TENM2: variants seen among roughly 807,000 people sequenced by gnomAD.
The protein encoded by TENM2 is teneurin-2.
A neutral mutation model predicts 245.2 loss-of-function variants in TENM2; 52 were observed. The observed-to-expected ratio is 0.21, with a 90% CI of 0.17 to 0.27. The LOEUF is 0.27. TENM2 is among the 10% of genes least tolerant of loss of function. The pLI is 1.00. For missense variants in TENM2, 3,046 were observed against 3,666.8 expected, an observed-to-expected ratio of 0.83 and a Z score of 4.37; for synonymous variants, 1,363 against 1,438.9, an observed-to-expected ratio of 0.95 and a Z score of 1.19.
At chr5:167,009,987 G>T in the TENM2 span, among the ~76,000 whole-genome samples, 8 of 152,224 alleles carry the variant, frequency 5.3e-5, no homozygotes, top group Middle Eastern at 3.4e-3. Flanking sequence ...TTTTTTATTG[G>T]TTTTAGGTTA....
At chr5:167,671,156 C>T (rs2150350783) in intron 2 of TENM2, among the ~76,000 whole-genome samples, 1 of 152,246 alleles carries the variant, frequency 6.6e-6, no homozygotes, top group South Asian at 2.1e-4. Context: ...TGGTCTGACA[C>T]ACACCTACCC....
intron 9 of TENM2, among the ~76,000 whole-genome samples, chr5:168,115,276 G>A (rs1794963209): frequency 6.7e-6 from 1 of 148,596 alleles, no homozygotes; most frequent in Non-Finnish European, 1.5e-5. Context: ...CTGAGTGACA[G>A]AGCAAGGCTC....
chr5:167,194,724 T>G, the TENM2 span, among the ~76,000 whole-genome samples: 3 of 152,024 alleles, frequency 2.0e-5, no homozygotes, highest in Non-Finnish European at 4.4e-5. Flanking sequence ...TAGGAGGTAC[T>G]GACATTTGCA....
chr5:167,931,068 A>G (rs1349084748), intron 3 of TENM2, among the ~76,000 whole-genome samples: 1 of 152,230 alleles, frequency 6.6e-6, no homozygotes, highest in Non-Finnish European at 1.5e-5. Flanking sequence ...CTCTGGAAAT[A>G]AGATAACACC....
intron 3 of TENM2, among the ~76,000 whole-genome samples, chr5:167,928,442 G>GGA (rs1322498449): frequency 6.6e-6 from 1 of 152,084 alleles, no homozygotes; most frequent in South Asian, 2.1e-4. Flanking sequence ...TAGAGCTGTG[G>GGA]GAGAGAGAGA....
intron 2 of TENM2, among the ~76,000 whole-genome samples, chr5:167,806,662 C>T (rs75089112): frequency 6.6e-6 from 1 of 152,086 alleles, no homozygotes. Flanking sequence ...GTGACATCAA[C>T]TGCGAAGTTT....
chr5:168,218,507 C>T lies in TENM2; in HGVS notation c.4616C>T (p.Thr1539Ile). 1 of 1,614,064 alleles carries T rather than the reference C, an allele frequency of 6.2e-7. No homozygotes were observed. Among genetic ancestry groups the T allele is most frequent in the Non-Finnish European group, 8.5e-7 (1 of 1,179,914 alleles). The change falls in exon 23 of 29, where the codon ACT (threonine) becomes ATT (isoleucine). Residue 1539 changes from threonine to isoleucine, a missense_variant. Transcript: ENST00000518659. This position sits in a 1 kb window ranked among gnomAD's most constrained non-coding sequence, Gnocchi z 5.2. ...TATTCAGGAGATGATGCCTACGCGA[C>T]TGATGCCATCTTGAATTCCCCATCA... is the stretch of plus-strand genomic sequence containing the variant.
intron 2 of TENM2, among the ~76,000 whole-genome samples, chr5:167,506,782 GT>G (rs1769582300): frequency 6.6e-6 from 1 of 152,102 alleles, no homozygotes; most frequent in Non-Finnish European, 1.5e-5. Flanking sequence ...ATGAGTGATT[GT>G]TTTTAGTATC....
intron 2 of TENM2, among the ~76,000 whole-genome samples, chr5:167,782,988 G>T (rs1764300709): frequency 6.6e-6 from 1 of 152,100 alleles, no homozygotes; most frequent in Non-Finnish European, 1.5e-5. Flanking sequence ...CTAATAATCA[G>T]GTGCATGCCT....
At chr5:167,250,649 G>A in the TENM2 span, among the ~76,000 whole-genome samples, 1 of 152,078 alleles carries the variant, frequency 6.6e-6, no homozygotes, top group East Asian at 1.9e-4. Context: ...TGTTATATAT[G>A]AGGCCATTCC....
chr5:167,420,358 T>C (rs1372178149), intron 2 of TENM2, among the ~76,000 whole-genome samples: 1 of 152,208 alleles, frequency 6.6e-6, no homozygotes, highest in East Asian at 1.9e-4. Flanking sequence ...GTGGCCTCTC[T>C]ACTGTACTGT....
rs751050478 is a variant in TENM2 at position 168,198,983 on chromosome 5, A to T, written c.3031A>T (p.Thr1011Ser). ...CGCCATGGACACCCTGGTGATGAAG[A>T]CCGAGGAGAACTCCATCCCCAGCTG... The change falls in exon 16 of 29, where the codon ACC becomes TCC. Residue 1011 changes from threonine to serine, a missense_variant. Around this residue, in one of 2 missense-constraint regions of TENM2, gnomAD observed 2,704 missense variants for 3,331.9 expected, o/e 0.81. Transcript: ENST00000518659. 1.9e-6 allele frequency: 3 copies of T among 1,613,892 alleles called. No homozygotes were observed. The South Asian group carries it at 3.3e-5, about 18-fold the overall frequency.
the TENM2 span, among the ~76,000 whole-genome samples, chr5:167,086,068 G>A: frequency 6.6e-6 from 1 of 152,142 alleles, no homozygotes; most frequent in South Asian, 2.1e-4. Flanking sequence ...GTTGGGAAGG[G>A]CCTTCTCATA....
the TENM2 span, among the ~76,000 whole-genome samples, chr5:167,239,770 G>A: frequency 6.6e-6 from 1 of 152,072 alleles, no homozygotes; most frequent in Non-Finnish European, 1.5e-5. Context: ...TTTTTATATT[G>A]TTGTTTATTT....
chr5:167,528,263 T>C (rs570235484), intron 2 of TENM2, among the ~76,000 whole-genome samples: 1 of 152,204 alleles, frequency 6.6e-6, no homozygotes, highest in Non-Finnish European at 1.5e-5. Context: ...CCTAGCTCAT[T>C]TGGAAGTCAA....
intron 2 of TENM2, among the ~76,000 whole-genome samples, chr5:167,620,826 C>T (rs1386990485): frequency 6.6e-6 from 1 of 151,992 alleles, no homozygotes; most frequent in East Asian, 1.9e-4. Flanking sequence ...TCTTCCCCAT[C>T]CCCGATTTTC....
chr5:167,744,746 G>A (rs994396342), intron 2 of TENM2, among the ~76,000 whole-genome samples: 4 of 152,040 alleles, frequency 2.6e-5, no homozygotes, highest in Non-Finnish European at 4.4e-5. Context: ...TGGGGAAATG[G>A]CAGGTTTTAA....
chr5:167,895,637 C>T (rs150750065), intron 3 of TENM2, among the ~76,000 whole-genome samples: 80 of 152,340 alleles, frequency 5.3e-4, no homozygotes, highest in African/African-American at 1.9e-3. Context: ...AACTCCTGGA[C>T]CCTATGCCAG....
At chr5:167,445,828 A>G (rs1283265020) in intron 2 of TENM2, among the ~76,000 whole-genome samples, 1 of 152,086 alleles carries the variant, frequency 6.6e-6, no homozygotes, top group African/African-American at 2.4e-5. Flanking sequence ...GGACGCCACA[A>G]ATGGAGCAGA....
Sources: gnomAD v4.1 joint callset for allele counts (sites outside exome capture counted in the v4.1 genomes callset) on GRCh38, gnomAD v4.1.1 for gene constraint, gnomAD v4.1.1 regional missense constraint, Gnocchi (gnomAD v3.1) non-coding constraint, MANE v1.5 for transcripts, NCBI Gene and HGNC (gene_info 2026-07-23, HGNC 2026-07-21) for gene names.